The following CACNA2D3 variants were observed in gnomAD, a reference collection of about 807,000 sequenced individuals.
CACNA2D3 encodes the protein calcium voltage-gated channel auxiliary subunit alpha2delta 3.
A neutral mutation model predicts 160.6 loss-of-function variants in CACNA2D3; 60 were observed. The ratio of observed to expected loss-of-function variants is 0.37; its 90% CI spans 0.30 to 0.46. CACNA2D3 has a LOEUF of 0.46. Among genes scored for constraint, CACNA2D3 ranks in the 20% least tolerant of loss-of-function variants. The pLI is 1.00. For synonymous variants in CACNA2D3, 558 were observed against 492.9 expected, an observed-to-expected ratio of 1.13 and a Z score of -1.75; for missense variants, 1,205 against 1,365.0, an observed-to-expected ratio of 0.88 and a Z score of 1.85.
Position 54,846,446 on chromosome 3 carries a change from G to T in CACNA2D3, c.1605G>T (p.Thr535=), listed in dbSNP as rs778939933. The part of the protein sequence containing the change: ...FAITNNGYIL[T]HPELRLLYEE... ...TCACAAATAATGGATATATCCTGAC[G>T]CATCCGGAACTCAGGCTGCTGGTAA... The change falls in exon 17 of 38, where the codon ACG becomes ACT. Residue 535 remains threonine (T), a synonymous_variant. Coordinates refer to ENST00000474759, the MANE Select transcript of CACNA2D3 (RefSeq NM_018398.3). 2.7e-5 allele frequency: 43 copies of T among 1,601,494 alleles called. No individual in the cohort carries two copies. The highest frequency in any genetic ancestry group is 6.8e-5 in the South Asian group (6 of 88,662).
At chr3:54,773,568 CAT>C (rs1702359290) in intron 13 of CACNA2D3, among the ~76,000 whole-genome samples, 1 of 152,168 alleles carries the variant, frequency 6.6e-6, no homozygotes, top group Non-Finnish European at 1.5e-5. Context: ...GTGTTAAAAA[CAT>C]GTGGAGCATG....
chr3:54,849,988 A>G (rs919831692), intron 17 of CACNA2D3, among the ~76,000 whole-genome samples: 1 of 152,198 alleles, frequency 6.6e-6, no homozygotes, highest in Non-Finnish European at 1.5e-5. Flanking sequence ...TTTGGTTGTG[A>G]ATCACAAAGT....
chr3:54,751,071 G>A (rs1701848526), intron 11 of CACNA2D3, among the ~76,000 whole-genome samples: 1 of 151,950 alleles, frequency 6.6e-6, no homozygotes, highest in African/African-American at 2.4e-5. Flanking sequence ...CGCTCAGCTG[G>A]ATCTTTGCTT....
intron 11 of CACNA2D3, among the ~76,000 whole-genome samples, chr3:54,736,885 C>T (rs996628878): frequency 2.6e-5 from 4 of 152,122 alleles, no homozygotes; most frequent in African/African-American, 9.7e-5. Flanking sequence ...TCGGTTTGTT[C>T]AGCTGTTAAA....
chr3:54,759,987 A>T (rs1378774709), intron 12 of CACNA2D3, among the ~76,000 whole-genome samples: 5 of 152,246 alleles, frequency 3.3e-5, no homozygotes, highest in Admixed American at 3.3e-4. Flanking sequence ...CAGAAAGGCA[A>T]GGTGGATCTC....
At chr3:54,542,531 G>C (rs762445788) in intron 5 of CACNA2D3, among the ~76,000 whole-genome samples, 1 of 152,168 alleles carries the variant, frequency 6.6e-6, no homozygotes, top group Non-Finnish European at 1.5e-5. Context: ...CCAAAGGCCC[G>C]AGAGTCCCTG....
chr3:54,374,202 C>T (rs1411561781), intron 3 of CACNA2D3, among the ~76,000 whole-genome samples: 2 of 152,208 alleles, frequency 1.3e-5, no homozygotes, highest in African/African-American at 4.8e-5. Context: ...GCTGCGGTTG[C>T]AGGAAGCCAC....
chr3:54,775,026 T>C (rs1482125454), intron 13 of CACNA2D3, among the ~76,000 whole-genome samples: 3 of 152,234 alleles, frequency 2.0e-5, no homozygotes, highest in Admixed American at 6.5e-5. Flanking sequence ...TCTAACATAA[T>C]GTTGTTAACT....
At chr3:54,735,802 T>C (rs568255327) in intron 11 of CACNA2D3, among the ~76,000 whole-genome samples, 24 of 151,622 alleles carry the variant, frequency 1.6e-4, no homozygotes, top group African/African-American at 5.3e-4. Flanking sequence ...GAGTGGAATT[T>C]TTTTCTTCAA....
chr3:54,415,358 G>T (rs1352606279), intron 4 of CACNA2D3, among the ~76,000 whole-genome samples: 2 of 152,096 alleles, frequency 1.3e-5, no homozygotes, highest in Non-Finnish European at 1.5e-5. Flanking sequence ...CCCGAAAGTA[G>T]ACAACTCACC....
At chr3:54,521,447 C>CT (rs34906438) in intron 5 of CACNA2D3, among the ~76,000 whole-genome samples, 93,942 of 151,910 alleles carry the variant, frequency 0.62, 29,273 homozygotes, top group Non-Finnish European at 0.65. Flanking sequence ...ATACAAGTCC[C>CT]TTATCAAGAG....
intron 10 of CACNA2D3, chr3:54,638,819 G>C (rs560919393): frequency 1.3e-5 from 2 of 152,128 alleles, no homozygotes; most frequent in Admixed American, 1.3e-4. Context: ...CTACTGTTGA[G>C]TTTGTATTGG....
intron 2 of CACNA2D3, among the ~76,000 whole-genome samples, chr3:54,288,572 T>A (rs1411211080): frequency 1.3e-5 from 2 of 152,184 alleles, no homozygotes; most frequent in Non-Finnish European, 2.9e-5. Context: ...ACTCATTTTA[T>A]GAGGCCAGCA....
chr3:54,595,319 T>TGTGG (rs1553743532), intron 9 of CACNA2D3, among the ~76,000 whole-genome samples: 3 of 129,056 alleles, frequency 2.3e-5, no homozygotes, highest in Admixed American at 7.5e-5. Flanking sequence ...GTGTGGTGTG[T>TGTGG]GTGTGTGTGT....
chr3:54,198,440 G>T (rs1701119634), intron 2 of CACNA2D3, among the ~76,000 whole-genome samples: 1 of 152,206 alleles, frequency 6.6e-6, no homozygotes, highest in South Asian at 2.1e-4. Context: ...TACCAGCTGG[G>T]GTCTCTTGGC....
rs149573722 is a variant in CACNA2D3 at position 54,444,946 on chromosome 3, C to T, written c.381+58172C>T. 3.6e-3 allele frequency among the ~76,000 whole-genome samples: 556 copies of T among 152,336 alleles called. 4 individuals carry two copies. The highest frequency in any genetic ancestry group is 0.013 in the African/African-American group (540 of 41,576). On this transcript the variant is annotated intron_variant, in intron 4 of 37. Coordinates refer to ENST00000474759, the MANE Select transcript of CACNA2D3 (RefSeq NM_018398.3). The stretch of plus-strand genomic sequence containing the variant: ...TAAAATTCTACACCCTCCATGAAGC[C>T]GTCTTCTCATTTCTACCCTCTCCCA...
chr3:54,968,836 C>T (rs147787585), intron 28 of CACNA2D3, among the ~76,000 whole-genome samples: 221 of 152,236 alleles, frequency 1.5e-3, no homozygotes, highest in Non-Finnish European at 2.5e-3. Context: ...ATCCTGTGGT[C>T]GTGCCTGGTT....
intron 27 of CACNA2D3, among the ~76,000 whole-genome samples, chr3:54,912,785 A>ATT (rs1700586953): frequency 1.3e-5 from 2 of 152,022 alleles, no homozygotes; most frequent in South Asian, 4.2e-4. Flanking sequence ...GATATTTTAT[A>ATT]TTTCTTGTTC....
chr3:54,934,245 T>C (rs1242214215), intron 27 of CACNA2D3, among the ~76,000 whole-genome samples: 2 of 152,238 alleles, frequency 1.3e-5, no homozygotes, highest in African/African-American at 4.8e-5. Flanking sequence ...GGTCATTTTT[T>C]ACACAACCCA....
Sources: gnomAD v4.1 joint callset for allele counts (sites outside exome capture counted in the v4.1 genomes callset) on GRCh38, gnomAD v4.1.1 for gene constraint, MANE v1.5 for transcripts, NCBI Gene and HGNC (gene_info 2026-07-23, HGNC 2026-07-21) for gene names.